SMAD1: variants seen among roughly 807,000 people sequenced by gnomAD.
The protein encoded by SMAD1 is MAD, mothers against decapentaplegic homolog 1.
A neutral mutation model predicts 41.6 loss-of-function variants in SMAD1; 6 were observed. That is an observed-to-expected ratio of 0.14 (90% CI 0.08 to 0.28). The LOEUF is 0.28. Among genes scored for constraint, SMAD1 ranks in the 10% least tolerant of loss-of-function variants. SMAD1 has a pLI of 1.00. For missense variants in SMAD1, 379 were observed against 582.6 expected (o/e 0.65, Z 3.60); for synonymous variants, 206 against 203.2 (o/e 1.01, Z -0.12).
intron 1 of SMAD1, among the ~76,000 whole-genome samples, chr4:145,510,382 A>G (rs1730011824): frequency 6.6e-6 from 1 of 151,980 alleles, no homozygotes; most frequent in South Asian, 2.1e-4. Flanking sequence ...TTTCTAATAT[A>G]TGCATTTAAG....
chr4:145,515,133 ACTGTGT>A, intron 2 of SMAD1, 120 bp downstream of exon 2: 11 of 729,368 alleles, frequency 1.5e-5, no homozygotes, highest in Non-Finnish European at 2.3e-5. Flanking sequence ...ATTTGGGGAA[ACTGTGT>A]GTGTGTGTGT....
At chr4:145,544,243 G>A (rs1732118785) in intron 4 of SMAD1, 1 of 152,156 alleles carries the variant, frequency 6.6e-6, no homozygotes, top group Non-Finnish European at 1.5e-5. Flanking sequence ...CTTATACTCA[G>A]TTTTGCTGTG....
rs191856288 is a variant in SMAD1, at chr4:145,525,966, A to T, written c.400+10953A>T. 1.3e-5 allele frequency among the ~76,000 whole-genome samples: 2 copies of T among 152,232 alleles called. 1 individual carries two copies. Among genetic ancestry groups the T allele is most frequent in the Admixed American group, 1.3e-4 (2 of 15,286 alleles). On this transcript the variant is annotated intron_variant, in intron 2 of 6. Coordinates refer to ENST00000302085, the MANE Select transcript of SMAD1 (RefSeq NM_005900.3). ...ATGCTCTGGAATCTTAGCAGGTTTT[A>T]AAAATGGAAGATCAGGTTTATATTC...
intron 4 of SMAD1, among the ~76,000 whole-genome samples, chr4:145,543,148 G>A (rs1410551010): frequency 2.0e-5 from 3 of 152,076 alleles, no homozygotes; most frequent in African/African-American, 4.8e-5. Context: ...TGTATTTTTA[G>A]TAGAGACAGG....
rs538701603 is a variant in SMAD1, at chr4:145,558,386, A to G, written c.*452A>G. ...TTGAGTCTTCTTTTCATGGGTTTTC[A>G]TAATATTTTAAAACTATTTGTTTAG... On this transcript the variant is annotated 3_prime_UTR_variant, in exon 7 of 7. Transcript: ENST00000302085. Among the ~76,000 whole-genome samples the G allele has an allele frequency of 6.6e-6, 1 of 152,336 alleles. No homozygotes were observed. The highest frequency in any genetic ancestry group is 2.4e-5 in the African/African-American group (1 of 41,576).
In SMAD1 at chr4:145,539,969, AT is replaced by A. The variant is rs1560756638; in HGVS notation, c.567del (p.Asn189LysfsTer46). ...AGCCACCCGTTTCCTCACTCTCCCAATAGCAGTTACCCAAACTCTCCTGGGA... is the reference window on the plus strand; with the variant it reads ...AGCCACCCGTTTCCTCACTCTCCCAAAGCAGTTACCCAAACTCTCCTGGGA... ...PNSHPFPHSP[N>X]SSYPNSPGSS... is the part of the protein sequence containing the mutation. On this transcript the variant is annotated frameshift_variant, in exon 3 of 7. Transcript: ENST00000302085. LOFTEE classifies it high-confidence loss of function. 6.2e-7 allele frequency: 1 copy of A among 1,613,884 alleles called. No homozygotes were observed. The highest frequency in any genetic ancestry group is 8.5e-7 in the Non-Finnish European group (1 of 1,179,934).
At chr4:145,500,380 C>A (rs147039194) in intron 1 of SMAD1, among the ~76,000 whole-genome samples, 88 of 152,294 alleles carry the variant, frequency 5.8e-4, no homozygotes, top group Admixed American at 3.9e-3. Flanking sequence ...TCTCTCATTT[C>A]TCTCCCCTCA....
In SMAD1 at chr4:145,515,134, C is replaced by G. The variant is rs1472256597; in HGVS notation, c.400+121C>G. The G allele has an allele frequency of 4.5e-5, 24 of 534,502 alleles. No homozygotes were observed. Among genetic ancestry groups the G allele is most frequent in the Non-Finnish European group, 5.8e-5 (19 of 327,824 alleles). 33.1% of individuals were successfully genotyped at this position (534,502 alleles called of 1,614,324 possible). ...TGTAATTTAAAAATATTTGGGGAAA[C>G]TGTGTGTGTGTGTGTGTGTGTGTGT... On this transcript the variant is annotated intron_variant, in intron 2 of 6. Coordinates refer to ENST00000302085, the MANE Select transcript of SMAD1 (RefSeq NM_005900.3).
chr4:145,541,337 A>G (rs2126516859), intron 3 of SMAD1, among the ~76,000 whole-genome samples: 1 of 152,352 alleles, frequency 6.6e-6, no homozygotes, highest in Middle Eastern at 3.4e-3. Flanking sequence ...GGAATAGTAG[A>G]ATAGTATCAA....
chr4:145,540,019 T>G lies in SMAD1; in HGVS notation c.616T>G (p.Ser206Ala), dbSNP rs1731832772. 1 of 1,613,880 alleles carries G rather than the reference T, an allele frequency of 6.2e-7. No individual in the cohort carries two copies. The highest frequency in any genetic ancestry group is 8.5e-7 in the Non-Finnish European group (1 of 1,179,952). The change falls in exon 3 of 7, where the codon TCT becomes GCT. Residue 206 changes from serine (S) to alanine (A), a missense_variant. Ser to Ala is a moderately conservative substitution (Grantham distance 99). This residue lies in a region of SMAD1 where 208 missense variants were observed against 210.5 expected (regional missense o/e 0.99). Transcript: ENST00000302085. ...PGSSSSTYPHSPTSSDPGSPF... is the reference protein window; with the variant it reads ...PGSSSSTYPHAPTSSDPGSPF... The stretch of plus-strand genomic sequence containing the variant: ...GAGCAGCAGCAGCACCTACCCTCAC[T>G]CTCCCACCAGCTCAGACCCAGGAAG...
intron 1 of SMAD1, among the ~76,000 whole-genome samples, chr4:145,496,023 ATGTCT>A (rs1393681137): frequency 6.6e-6 from 1 of 152,014 alleles, no homozygotes; most frequent in Non-Finnish European, 1.5e-5. Context: ...CAATTTTCTG[ATGTCT>A]TGTTGAATGA....
intron 5 of SMAD1, among the ~76,000 whole-genome samples, chr4:145,548,737 G>C (rs1226311059): frequency 6.6e-6 from 1 of 152,140 alleles, no homozygotes. Context: ...ATGTTTATGA[G>C]AATCAGTTTA....
chr4:145,499,127 C>T (rs917592716), intron 1 of SMAD1, among the ~76,000 whole-genome samples: 2 of 152,180 alleles, frequency 1.3e-5, no homozygotes, highest in Non-Finnish European at 2.9e-5. Context: ...ATATCGTTCA[C>T]TCTAATTCCT....
intron 1 of SMAD1, among the ~76,000 whole-genome samples, chr4:145,486,090 T>C (rs1728468621): frequency 6.6e-6 from 1 of 152,238 alleles, no homozygotes; most frequent in African/African-American, 2.4e-5. Context: ...ACTATGCCAG[T>C]ATAGACATGA....
intron 1 of SMAD1, among the ~76,000 whole-genome samples, chr4:145,490,652 C>G (rs926745475): frequency 6.6e-6 from 1 of 152,082 alleles, no homozygotes; most frequent in Non-Finnish European, 1.5e-5. Context: ...TTATAAGAAG[C>G]CTGATGAACT....
intron 5 of SMAD1, among the ~76,000 whole-genome samples, chr4:145,550,518 AAATT>A (rs557065425): frequency 1.6e-4 from 24 of 152,292 alleles, no homozygotes; most frequent in East Asian, 1.4e-3. Context: ...GTCTTGAAAT[AAATT>A]AATTAATTAA....
At chr4:145,530,526 G>A (rs1005636300) in intron 2 of SMAD1, among the ~76,000 whole-genome samples, 2 of 152,150 alleles carry the variant, frequency 1.3e-5, no homozygotes, top group Non-Finnish European at 2.9e-5. Flanking sequence ...CAGAAGTTGA[G>A]TTAGATTTAG....
At chr4:145,487,323 T>A (rs915877415) in intron 1 of SMAD1, among the ~76,000 whole-genome samples, 1 of 152,006 alleles carries the variant, frequency 6.6e-6, no homozygotes, top group African/African-American at 2.4e-5. Flanking sequence ...ATTGGACAGG[T>A]CTGAGGAGAA....
chr4:145,544,567 G>A (rs1732140742), intron 4 of SMAD1: 1 of 148,128 alleles, frequency 6.8e-6, no homozygotes, highest in African/African-American at 2.5e-5. Context: ...GGCAACAAGA[G>A]CAAAACTCAG....
Sources: allele counts gnomAD v4.1 joint callset (sites outside exome capture counted in the v4.1 genomes callset), GRCh38; gene constraint gnomAD v4.1.1; regional missense constraint gnomAD v4.1.1; transcripts MANE v1.5; gene names NCBI Gene and HGNC (gene_info 2026-07-23, HGNC 2026-07-21).